CNTLN: variants seen among roughly 807,000 people sequenced by gnomAD.
CNTLN encodes centlein, centrosomal protein.
In CNTLN, 212 loss-of-function variants were observed where a neutral mutation model predicts 180.0. That is an observed-to-expected ratio of 1.18 (90% CI 1.05 to 1.32). The LOEUF is 1.32. Among genes scored for constraint, CNTLN ranks in the 40% most tolerant of loss-of-function variants. CNTLN has a pLI of 0.00. For synonymous variants in CNTLN, 722 were observed against 563.1 expected, an observed-to-expected ratio of 1.28 and a Z score of -3.99; for missense variants, 2,095 against 1,610.9, an observed-to-expected ratio of 1.30 and a Z score of -5.14.
intron 18 of CNTLN, among the ~76,000 whole-genome samples, chr9:17,446,132 G>A (rs894329301): frequency 1.3e-5 from 2 of 152,016 alleles, no homozygotes; most frequent in African/African-American, 4.8e-5. Flanking sequence ...CCCCCTCTTC[G>A]AGAAACACCC....
intron 13 of CNTLN, among the ~76,000 whole-genome samples, chr9:17,370,946 A>G (rs560927591): frequency 3.9e-5 from 6 of 152,146 alleles, no homozygotes; most frequent in African/African-American, 1.4e-4. Flanking sequence ...ATCAAAAACC[A>G]TACAGTGGCT....
intron 5 of CNTLN, among the ~76,000 whole-genome samples, chr9:17,240,618 A>T (rs1327009842): frequency 1.3e-5 from 2 of 151,764 alleles, no homozygotes; most frequent in South Asian, 4.2e-4. Flanking sequence ...TTTTTTTTTC[A>T]CATAGAGTTG....
chr9:17,265,716 G>A (rs140257412), intron 5 of CNTLN, among the ~76,000 whole-genome samples: 1 of 151,180 alleles, frequency 6.6e-6, no homozygotes, highest in East Asian at 1.9e-4. Flanking sequence ...CAATTTCAGA[G>A]CCTGTTATTG....
In CNTLN at chr9:17,394,769, C is replaced by G. The variant is rs1826372950; in HGVS notation, c.2315C>G (p.Thr772Ser). Residue 772 changes from threonine to serine, a missense_variant, in exon 15 of 26, where the codon ACT (threonine) becomes AGT (serine). Coordinates refer to ENST00000380647, the MANE Select transcript of CNTLN (RefSeq NM_017738.4). Reference protein sequence around the residue: ...VKISELETEVTSLRRQVAEAN... With the variant: ...VKISELETEVSSLRRQVAEAN... ...ATCAGTGAGCTGGAGACAGAAGTCA[C>G]TTCCCTGAGGAGACAAGTGGCAGAA... 11 of 1,614,032 alleles carry G rather than the reference C, an allele frequency of 6.8e-6. No individual in the cohort carries two copies. The highest frequency in any genetic ancestry group is 9.3e-6 in the Non-Finnish European group (11 of 1,179,990).
intron 16 of CNTLN, among the ~76,000 whole-genome samples, chr9:17,410,222 A>C (rs1166757237): frequency 6.6e-6 from 1 of 152,050 alleles, no homozygotes; most frequent in Non-Finnish European, 1.5e-5. Context: ...TTGATAGGTT[A>C]ATCTTTCTCA....
intron 12 of CNTLN, among the ~76,000 whole-genome samples, chr9:17,366,355 G>A (rs1325566812): frequency 6.6e-6 from 1 of 151,992 alleles, no homozygotes; most frequent in Non-Finnish European, 1.5e-5. Context: ...TGTTGCCCAG[G>A]CTGGTCTTGA....
chr9:17,308,618 T>C (rs1475710961), intron 7 of CNTLN, among the ~76,000 whole-genome samples: 1 of 151,886 alleles, frequency 6.6e-6, no homozygotes, highest in Non-Finnish European at 1.5e-5. Context: ...TTGTACATAA[T>C]TTTTTTTCAC....
intron 18 of CNTLN, chr9:17,447,528 C>T (rs369679168): frequency 6.4e-6 from 1 of 155,428 alleles, no homozygotes; most frequent in Admixed American, 6.4e-5. Flanking sequence ...CTTGTTGGTC[C>T]CCCAAGGTGA....
At chr9:17,428,504 T>A (rs895914060) in intron 18 of CNTLN, among the ~76,000 whole-genome samples, 5 of 152,188 alleles carry the variant, frequency 3.3e-5, no homozygotes, top group African/African-American at 1.2e-4. Context: ...CTCAAAAGTT[T>A]ATTTTGATTT....
At chr9:17,318,839 TCC>T (rs1819710489) in intron 8 of CNTLN, among the ~76,000 whole-genome samples, 7 of 1,406 alleles carry the variant, frequency 5.0e-3, no homozygotes, top group African/African-American at 5.5e-3. Context: ...CATCCTTTAT[TCC>T]ATCCATCCAT....
chr9:17,518,637 G>T, the CNTLN span, among the ~76,000 whole-genome samples: 1 of 152,260 alleles, frequency 6.6e-6, no homozygotes, highest in South Asian at 2.1e-4. Context: ...GTCCTATGAT[G>T]GGATTATACT....
At chr9:17,288,362 G>C (rs1440865980) in intron 6 of CNTLN, among the ~76,000 whole-genome samples, 1 of 123,022 alleles carries the variant, frequency 8.1e-6, no homozygotes, top group Non-Finnish European at 1.7e-5. Flanking sequence ...ATTGCACTGC[G>C]GTCTGAGAGA....
intron 13 of CNTLN, among the ~76,000 whole-genome samples, 195 bp from the exon 14 acceptor site, chr9:17,387,967 G>A (rs1384541955): frequency 6.9e-6 from 1 of 145,788 alleles, no homozygotes; most frequent in Non-Finnish European, 1.5e-5. Flanking sequence ...AAAAAAGGTG[G>A]CACTACAAAG....
chr9:17,266,549 T>C (rs1827463314), intron 5 of CNTLN, among the ~76,000 whole-genome samples: 1 of 152,146 alleles, frequency 6.6e-6, no homozygotes, highest in Admixed American at 6.6e-5. Flanking sequence ...AGATGTCTAT[T>C]AAGTCTGCTT....
intron 12 of CNTLN, among the ~76,000 whole-genome samples, chr9:17,363,424 G>A (rs55863214): frequency 1.3e-5 from 2 of 151,858 alleles, no homozygotes; most frequent in South Asian, 2.1e-4. Context: ...TCTAACTGGC[G>A]TGAGATGGTA....
In CNTLN at chr9:17,208,261, A is replaced by T. The variant is rs1587148897; in HGVS notation, c.450-17942A>T. 3.9e-5 allele frequency among the ~76,000 whole-genome samples: 6 copies of T among 152,208 alleles called. No individual in the cohort carries two copies. The South Asian group carries it at 1.2e-3, about 32-fold the overall frequency. On this transcript the variant is annotated intron_variant, in intron 2 of 25. Transcript: ENST00000380647. ...TTTTGTGCTTTATTATGTTGATAGG[A>T]TATATCTCATTGACTGATTTGCATA...
chr9:17,266,930 G>T (rs1397861130), intron 5 of CNTLN, among the ~76,000 whole-genome samples: 1 of 152,020 alleles, frequency 6.6e-6, no homozygotes, highest in Non-Finnish European at 1.5e-5. Flanking sequence ...GCCTATGTGT[G>T]TCTCTGCACA....
chr9:17,469,281 A>G (rs192571542), intron 23 of CNTLN, among the ~76,000 whole-genome samples: 28 of 151,814 alleles, frequency 1.8e-4, no homozygotes, highest in African/African-American at 6.5e-4. Flanking sequence ...ACCATTTATA[A>G]CTCATGACTT....
chr9:17,323,710 G>T (rs771322699), intron 8 of CNTLN, among the ~76,000 whole-genome samples: 5 of 152,206 alleles, frequency 3.3e-5, no homozygotes, highest in Non-Finnish European at 7.3e-5. Context: ...TGGCAATATG[G>T]CTGGTCTCCA....
Sources: gnomAD v4.1 joint callset for allele counts (sites outside exome capture counted in the v4.1 genomes callset) on GRCh38, gnomAD v4.1.1 for gene constraint, MANE v1.5 for transcripts, NCBI Gene and HGNC (gene_info 2026-07-23, HGNC 2026-07-21) for gene names.